Variants in DPYSL2 observed in about 807,000 individuals in gnomAD.
DPYSL2 encodes the protein dihydropyrimidinase like 2.
Under a neutral mutation model 69.9 loss-of-function variants are expected in DPYSL2, and 13 were observed. The ratio of observed to expected loss-of-function variants is 0.19; its 90% CI spans 0.12 to 0.30. The LOEUF is 0.30. Among genes scored for constraint, DPYSL2 ranks in the 10% least tolerant of loss-of-function variants. The probability of loss-of-function intolerance (pLI) is 1.00; values close to 1 mark genes in which losing one functional copy is unlikely to be tolerated. For missense variants in DPYSL2, 587 were observed against 918.9 expected (o/e 0.64, Z 4.67); for synonymous variants, 326 against 359.1 (o/e 0.91, Z 1.04).
At chr8:26,590,912 C>A (rs1216160860) in intron 3 of DPYSL2, among the ~76,000 whole-genome samples, 1 of 152,218 alleles carries the variant, frequency 6.6e-6, no homozygotes, top group East Asian at 1.9e-4. Context: ...CTGGGTAGGC[C>A]TGTGGGGGTT....
rs7015859 is a variant in DPYSL2 at position 26,598,870 on chromosome 8, G to A, written c.628+14887G>A. Among the ~76,000 whole-genome samples, 634 of 152,308 alleles carry A rather than the reference G, an allele frequency of 4.2e-3. 4 individuals carry two copies. The highest frequency in any genetic ancestry group is 0.014 in the African/African-American group (590 of 41,548). On this transcript the variant is annotated intron_variant, in intron 3 of 13. Coordinates refer to ENST00000521913, the MANE Select transcript of DPYSL2 (RefSeq NM_001197293.3). The surrounding 1 kb of genome is among the most constrained non-coding windows in gnomAD (Gnocchi z 4.2). ...AAGCCCAGAAAGGGATGTGGCACTC[G>A]GGCAGGACGGGGGCTGCTTCTGTGC...
At chr8:26,579,241 G>A (rs1244479787) in intron 1 of DPYSL2, among the ~76,000 whole-genome samples, 3 of 152,226 alleles carry the variant, frequency 2.0e-5, no homozygotes. Flanking sequence ...TGCAAACCAC[G>A]GGGAAAACGT....
intron 10 of DPYSL2, among the ~76,000 whole-genome samples, chr8:26,646,992 T>G (rs1307226378): frequency 1.4e-5 from 2 of 143,466 alleles, no homozygotes; most frequent in African/African-American, 5.1e-5. Context: ...AAAAAAAGAT[T>G]AAAAAAAAAA....
rs944140908 is a variant in DPYSL2 at position 26,640,240 on chromosome 8, G to C, written c.1127-3199G>C. Among the ~76,000 whole-genome samples the C allele has an allele frequency of 4.6e-5, 7 of 152,176 alleles. No homozygotes were observed. Among genetic ancestry groups the C allele is most frequent in the African/African-American group, 1.2e-4 (5 of 41,440 alleles). On this transcript the variant is annotated intron_variant, in intron 8 of 13. Transcript: ENST00000521913. The surrounding 1 kb of genome is among the most constrained non-coding windows in gnomAD (Gnocchi z 4.2). ...TCTTCATGAATGCACACGGGCCCCAGACTGGTTGTAAATAAGCACCAGCTC... is the reference window on the plus strand; with the variant it reads ...TCTTCATGAATGCACACGGGCCCCACACTGGTTGTAAATAAGCACCAGCTC...
rs1223498876 is a variant in DPYSL2 at position 26,514,641 on chromosome 8, G to A, written c.316G>A (p.Ala106Thr). 1 of 1,457,984 alleles carries A rather than the reference G, an allele frequency of 6.9e-7. No homozygotes were observed. The highest frequency in any genetic ancestry group is 9.0e-7 in the Non-Finnish European group (1 of 1,109,748). The allele number at this position is 1,457,984 out of a possible 1,614,324, so 90.3% of individuals were successfully genotyped here. ...GGGCCGGAAGGTGGAGATCCGGAGG[G>A]CCTCGGGCAAAGAAGCCCTGCAGAA... The part of the protein sequence containing the change: ...ESGRKVEIRR[A>T]SGKEALQNIN... Residue 106 changes from alanine (A) to threonine (T), a missense_variant, in exon 1 of 14, where the codon GCC becomes ACC. Ala to Thr is a moderately conservative substitution (Grantham distance 58, BLOSUM62 0). Around this residue, in one of 3 missense-constraint regions of DPYSL2, gnomAD observed 85 missense variants for 77.7 expected, o/e 1.09. Coordinates refer to ENST00000521913, the MANE Select transcript of DPYSL2 (RefSeq NM_001197293.3). This position sits in a 1 kb window ranked among gnomAD's most constrained non-coding sequence, Gnocchi z 8.4.
intron 3 of DPYSL2, among the ~76,000 whole-genome samples, chr8:26,594,168 T>C (rs1222481612): frequency 6.6e-6 from 1 of 152,190 alleles, no homozygotes; most frequent in Admixed American, 6.5e-5. Context: ...TATTTCCACA[T>C]GTGTAAAGTG....
chr8:26,518,341 G>A (rs1808327532), intron 1 of DPYSL2, among the ~76,000 whole-genome samples: 1 of 152,144 alleles, frequency 6.6e-6, no homozygotes, highest in Admixed American at 6.5e-5. Context: ...GAGGAAAGTG[G>A]GGGTGGGGGA....
chr8:26,543,570 C>T (rs1242590274), intron 1 of DPYSL2, among the ~76,000 whole-genome samples: 2 of 152,042 alleles, frequency 1.3e-5, no homozygotes, highest in Non-Finnish European at 2.9e-5. Context: ...TCACTACAAC[C>T]TCTGCCTCCA....
chr8:26,634,468 T>TA (rs1279737298), intron 7 of DPYSL2, among the ~76,000 whole-genome samples: 1 of 138,086 alleles, frequency 7.2e-6, no homozygotes, highest in East Asian at 2.2e-4. Context: ...TTGTAGTAGA[T>TA]ACGGAGTTTC....
intron 1 of DPYSL2, among the ~76,000 whole-genome samples, chr8:26,573,472 T>A (rs1038128677): frequency 1.3e-5 from 2 of 151,570 alleles, no homozygotes; most frequent in Non-Finnish European, 1.5e-5. Context: ...ATCGAGACCA[T>A]CCTGGCAAAC....
chr8:26,578,634 C>T (rs1000908995), intron 1 of DPYSL2: 1 of 1,152,914 alleles, frequency 8.7e-7, no homozygotes, highest in South Asian at 2.2e-5. Context: ...AATATGCATG[C>T]CTGGAGCTCG....
At position 26,650,323 on chromosome 8, in the gene DPYSL2, C is replaced by T. The variant is rs1263408799; in HGVS notation, c.1597-1934C>T. Among the ~76,000 whole-genome samples, 3 of 152,204 alleles carry T rather than the reference C, an allele frequency of 2.0e-5. No individual in the cohort carries two copies. Among genetic ancestry groups the T allele is most frequent in the Non-Finnish European group, 4.4e-5 (3 of 68,040 alleles). Reference sequence around the variant, plus strand: ...CCATGGCCGAGGCTGCGCCCATACTCTACCCAGTAGGGCACAAGAGGAGGT... The same window carrying T: ...CCATGGCCGAGGCTGCGCCCATACTTTACCCAGTAGGGCACAAGAGGAGGT... On this transcript the variant is annotated intron_variant, in intron 11 of 13. Coordinates refer to ENST00000521913, the MANE Select transcript of DPYSL2 (RefSeq NM_001197293.3). This position sits in a 1 kb window ranked among gnomAD's most constrained non-coding sequence, Gnocchi z 5.3.
chr8:26,588,204 C>T lies in DPYSL2; in HGVS notation c.628+4221C>T, dbSNP rs779423375. Among the ~76,000 whole-genome samples the T allele has an allele frequency of 8.5e-5, 13 of 152,204 alleles. No homozygotes were observed. The highest frequency in any genetic ancestry group is 1.5e-4 in the Non-Finnish European group (10 of 68,028). The stretch of plus-strand genomic sequence containing the variant: ...TGAGCTCTACTCTCCCCCGCATGGC[C>T]GGAGAAACAGGCTGAGCTGCCGTAG... On this transcript the variant is annotated intron_variant, in intron 3 of 13. Coordinates refer to ENST00000521913, the MANE Select transcript of DPYSL2 (RefSeq NM_001197293.3). This position sits in a 1 kb window ranked among gnomAD's most constrained non-coding sequence, Gnocchi z 5.4.
rs1801090151 is a variant in DPYSL2, at chr8:26,562,553, T to G, written c.355-19416T>G. 1.3e-5 allele frequency among the ~76,000 whole-genome samples: 2 copies of G among 152,208 alleles called. No homozygotes were observed. On this transcript the variant is annotated intron_variant, in intron 1 of 13. Coordinates refer to ENST00000521913, the MANE Select transcript of DPYSL2 (RefSeq NM_001197293.3). The surrounding 1 kb of genome is among the most constrained non-coding windows in gnomAD (Gnocchi z 4.9). ...CAGATTTTGTTGTTCCCGATTAGAA[T>G]GCTTAAATGGTTTCGTTTTAAAGAC...
chr8:26,599,034 G>A (rs1232627818), intron 3 of DPYSL2, among the ~76,000 whole-genome samples: 2 of 152,194 alleles, frequency 1.3e-5, no homozygotes, highest in Non-Finnish European at 2.9e-5. Flanking sequence ...AGCTGGAGAA[G>A]GCCTGTTGTC....
rs1563406478 is a variant in DPYSL2 at position 26,605,237 on chromosome 8, G to A, written c.629-18906G>A. Among the ~76,000 whole-genome samples the A allele has an allele frequency of 6.7e-6, 1 of 148,904 alleles. No individual in the cohort carries two copies. The highest frequency in any genetic ancestry group is 6.7e-5 in the Admixed American group (1 of 15,034). On this transcript the variant is annotated intron_variant, in intron 3 of 13. Coordinates refer to ENST00000521913, the MANE Select transcript of DPYSL2 (RefSeq NM_001197293.3). The surrounding 1 kb of genome is among the most constrained non-coding windows in gnomAD (Gnocchi z 4.1). Reference sequence around the variant, plus strand: ...ATCACTACTGTTTAACATGGTTCCGGATATGTTAGCCAGTGTAATAAGATA... The same window carrying A: ...ATCACTACTGTTTAACATGGTTCCGAATATGTTAGCCAGTGTAATAAGATA...
At position 26,624,092 on chromosome 8, in the gene DPYSL2, C is replaced by CT; in HGVS notation, c.629-51_629-50insT. ...TCAAGTGGGAAAATACCTGCTGGCC[C>CT]ACGGCCCTTGAGGCTCTTGGTGATG... is the stretch of plus-strand genomic sequence containing the variant. On this transcript the variant is annotated intron_variant, in intron 3 of 13. Transcript: ENST00000521913. The surrounding 1 kb of genome is among the most constrained non-coding windows in gnomAD (Gnocchi z 4.7). 8.1e-6 allele frequency: 13 copies of CT among 1,602,208 alleles called. No homozygotes were observed. Among genetic ancestry groups the CT allele is most frequent in the Non-Finnish European group, 1.0e-5 (12 of 1,172,516 alleles).
chr8:26,541,693 G>A (rs542157056), intron 1 of DPYSL2, among the ~76,000 whole-genome samples: 66 of 152,238 alleles, frequency 4.3e-4, no homozygotes, highest in African/African-American at 1.4e-3. Flanking sequence ...GTGTGGGGGA[G>A]TAAAATGGTA....
intron 1 of DPYSL2, among the ~76,000 whole-genome samples, chr8:26,573,895 A>T (rs1258722282): frequency 7.2e-6 from 1 of 139,406 alleles, no homozygotes; most frequent in Non-Finnish European, 1.5e-5. Context: ...TGCATTGGGG[A>T]TTTTTTTTTT....
Sources: allele counts gnomAD v4.1 joint callset (sites outside exome capture counted in the v4.1 genomes callset), GRCh38; gene constraint gnomAD v4.1.1; regional missense constraint gnomAD v4.1.1; non-coding constraint Gnocchi (gnomAD v3.1); transcripts MANE v1.5; gene names NCBI Gene and HGNC (gene_info 2026-07-23, HGNC 2026-07-21).